BLNK: variants seen among roughly 807,000 people sequenced by gnomAD.
BLNK encodes B-cell linker protein.
BLNK carries 29 observed loss-of-function variants against 73.5 expected under a neutral mutation model. The ratio of observed to expected loss-of-function variants is 0.39; its 90% CI spans 0.29 to 0.54. The LOEUF is 0.54. BLNK is among the 20% of genes least tolerant of loss of function. The pLI is 0.61. For synonymous variants in BLNK, 176 were observed against 200.8 expected, an observed-to-expected ratio of 0.88 and a Z score of 1.04; for missense variants, 460 against 562.8, an observed-to-expected ratio of 0.82 and a Z score of 1.85.
intron 16 of BLNK, among the ~76,000 whole-genome samples, chr10:96,192,824 G>A (rs782483901): frequency 6.6e-6 from 1 of 152,128 alleles, no homozygotes; most frequent in Non-Finnish European, 1.5e-5. Flanking sequence ...AATTCATTGA[G>A]TATACAAAAG....
chr10:96,251,676 C>T (rs73318823), intron 1 of BLNK, among the ~76,000 whole-genome samples: 5,271 of 152,258 alleles, frequency 0.035, 305 homozygotes, highest in African/African-American at 0.12. Context: ...AGCAGTATGG[C>T]ATTTTGGTAT....
intron 2 of BLNK, among the ~76,000 whole-genome samples, chr10:96,246,589 A>C (rs77331536): frequency 0.1 from 15,276 of 152,192 alleles, 1,483 homozygotes; most frequent in East Asian, 0.55. Context: ...ACAAAACCCC[A>C]AAAAAAGGAA....
chr10:96,265,486 A>T (rs142362724), intron 1 of BLNK, among the ~76,000 whole-genome samples: 1 of 152,310 alleles, frequency 6.6e-6, no homozygotes, highest in African/African-American at 2.4e-5. Context: ...TACCCAGGAG[A>T]GAGCAACTTA....
chr10:96,196,422 T>A (rs891505640), intron 16 of BLNK, among the ~76,000 whole-genome samples: 16 of 152,214 alleles, frequency 1.1e-4, no homozygotes, highest in South Asian at 6.2e-4. Context: ...CATGTGATTT[T>A]TTTTTCTTGC....
At chr10:96,250,346 AAAG>A (rs1412103858) in intron 1 of BLNK, among the ~76,000 whole-genome samples, 1 of 151,962 alleles carries the variant, frequency 6.6e-6, no homozygotes, top group Non-Finnish European at 1.5e-5. Context: ...GAGATAGAGG[AAAG>A]AAGAAAATGA....
rs782229915 is a variant in BLNK, at chr10:96,271,454, T to G, written c.-56A>C. The G allele has an allele frequency of 3.8e-6, 6 of 1,568,850 alleles. No homozygotes were observed. The African/African-American group carries it at 8.1e-5, about 21-fold the overall frequency. Reference sequence around the variant, plus strand: ...ACTGTCCAGTGGTCACGTCAGCAGTTCCTGGCCCTCCTAGGGAGCAGCATG... The same window carrying G: ...ACTGTCCAGTGGTCACGTCAGCAGTGCCTGGCCCTCCTAGGGAGCAGCATG... On this transcript the variant is annotated 5_prime_UTR_variant, in exon 1 of 17. Transcript: ENST00000224337.
intron 8 of BLNK, 70 bp from the exon 9 acceptor site, chr10:96,209,977 CCT>C (rs1275785312): frequency 2.0e-6 from 3 of 1,527,448 alleles, no homozygotes; most frequent in African/African-American, 2.7e-5. Context: ...CTGAGGCTGG[CCT>C]CTCTGGCAGG....
At position 96,271,440 on chromosome 10, in the gene BLNK, G is replaced by C; in HGVS notation, c.-42C>G. ...AAGAGACACGAATAACTGTCCAGTG[G>C]TCACGTCAGCAGTTCCTGGCCCTCC... is the stretch of plus-strand genomic sequence containing the variant. On this transcript the variant is annotated 5_prime_UTR_variant, in exon 1 of 17. Coordinates refer to ENST00000224337, the MANE Select transcript of BLNK (RefSeq NM_013314.4). 1.2e-6 allele frequency: 2 copies of C among 1,605,162 alleles called. No individual in the cohort carries two copies. The highest frequency in any genetic ancestry group is 1.7e-6 in the Non-Finnish European group (2 of 1,171,916).
At chr10:96,236,336 G>A (rs1488935241) in intron 3 of BLNK, among the ~76,000 whole-genome samples, 2 of 152,144 alleles carry the variant, frequency 1.3e-5, no homozygotes, top group African/African-American at 4.8e-5. Context: ...GGGAGGGTGG[G>A]CCAGTTGTGG....
At chr10:96,216,807 T>C (rs190672478) in intron 6 of BLNK, 73 bp from the exon 7 acceptor site, 255 of 1,287,378 alleles carry the variant, frequency 2.0e-4, no homozygotes, top group Admixed American at 9.6e-4. Flanking sequence ...GGAGTGATTT[T>C]TTTAAAAAGC....
chr10:96,224,838 C>G (rs2084281914), intron 5 of BLNK, among the ~76,000 whole-genome samples: 1 of 152,164 alleles, frequency 6.6e-6, no homozygotes, highest in Admixed American at 6.5e-5. Context: ...GCTGGGATTA[C>G]AGGCACCCAC....
At chr10:96,253,999 C>T (rs1454607386) in intron 1 of BLNK, among the ~76,000 whole-genome samples, 12 of 147,422 alleles carry the variant, frequency 8.1e-5, no homozygotes, top group Admixed American at 2.0e-4. Flanking sequence ...CCAGCCTGGG[C>T]GACAGAGCAA....
At position 96,190,074 on chromosome 10, in the gene BLNK, T is replaced by G; in HGVS notation, c.*1899A>C. On this transcript the variant is annotated 3_prime_UTR_variant, in exon 17 of 17. Coordinates refer to ENST00000224337, the MANE Select transcript of BLNK (RefSeq NM_013314.4). ...GCAGTTCATCCTTTGCACCAGCCCC[T>G]AAACTGACCGTTCTTAAGGATAACT... 1.2e-6 allele frequency: 1 copy of G among 854,026 alleles called. No homozygotes were observed. The highest frequency in any genetic ancestry group is 2.0e-6 in the Non-Finnish European group (1 of 501,688). 52.9% of individuals were successfully genotyped at this position (854,026 alleles called of 1,614,324 possible).
Position 96,189,524 on chromosome 10 carries a change from C to T in BLNK, c.*2449G>A. On this transcript the variant is annotated 3_prime_UTR_variant, in exon 17 of 17. Coordinates refer to ENST00000224337, the MANE Select transcript of BLNK (RefSeq NM_013314.4). ...ATTTAATGTCTTCTACAGAACTAGG[C>T]CCTTTTGGTGTTTTACGAGTTTTTT... is the stretch of plus-strand genomic sequence containing the variant. 1 of 653,866 alleles carries T rather than the reference C, an allele frequency of 1.5e-6. No individual in the cohort carries two copies. The highest frequency in any genetic ancestry group is 2.8e-6 in the Non-Finnish European group (1 of 353,662). 40.5% of individuals were successfully genotyped at this position (653,866 alleles called of 1,614,324 possible). A position where few individuals can be genotyped will look rare whatever the true frequency, so the allele number is the denominator to read the frequency against.
In BLNK at chr10:96,223,949, C is replaced by G; in HGVS notation, c.402G>C (p.Lys134Asn). ...GCCAGCTGGGCTTACTGGGAAGTGTCTTGCTGAAGGGTGGGGAATGCCTCT... is the reference window on the plus strand; with the variant it reads ...GCCAGCTGGGCTTACTGGGAAGTGTGTTGCTGAAGGGTGGGGAATGCCTCT... ...SSQRHSPPFS[K>N]TLPSKPSWPS... The change falls in exon 6 of 17, where the codon AAG becomes AAC. Residue 134 changes from lysine (K) to asparagine (N), a missense_variant. By Grantham distance (94) the Lys-to-Asn change is moderately conservative (BLOSUM62 0). Transcript: ENST00000224337. 6.2e-7 allele frequency: 1 copy of G among 1,613,326 alleles called. No individual in the cohort carries two copies. Among genetic ancestry groups the G allele is most frequent in the East Asian group, 2.2e-5 (1 of 44,870 alleles).
chr10:96,199,099 T>A (rs1373223744), intron 15 of BLNK, among the ~76,000 whole-genome samples: 1 of 152,188 alleles, frequency 6.6e-6, no homozygotes, highest in Non-Finnish European at 1.5e-5. Context: ...AAAGAGACAA[T>A]GGTGGAAGTC....
intron 16 of BLNK, 33 bp from the exon 17 acceptor site, chr10:96,192,125 T>C: frequency 6.2e-7 from 1 of 1,612,300 alleles, no homozygotes; most frequent in Non-Finnish European, 8.5e-7. Flanking sequence ...AATTATACTT[T>C]GGCATTTGTG....
rs1591290020 is a variant in BLNK, at chr10:96,195,015, C to T, written c.1251+1893G>A. Among the ~76,000 whole-genome samples, 5 of 151,940 alleles carry T rather than the reference C, an allele frequency of 3.3e-5. No homozygotes were observed. The South Asian group carries it at 6.2e-4, about 19-fold the overall frequency. ...CGATCTCCTGACCTCGTGATCCGCCCGTCTCGGCCTCCCAAAGTGCTGGGA... is the reference window on the plus strand; with the variant it reads ...CGATCTCCTGACCTCGTGATCCGCCTGTCTCGGCCTCCCAAAGTGCTGGGA... On this transcript the variant is annotated intron_variant, in intron 16 of 16. Coordinates refer to ENST00000224337, the MANE Select transcript of BLNK (RefSeq NM_013314.4).
chr10:96,243,508 C>T (rs1554906788), intron 2 of BLNK, among the ~76,000 whole-genome samples: 2 of 152,304 alleles, frequency 1.3e-5, no homozygotes, highest in African/African-American at 2.4e-5. Context: ...GATCACGCCC[C>T]TGTACTCCAG....
Sources: allele counts gnomAD v4.1 joint callset (sites outside exome capture counted in the v4.1 genomes callset), GRCh38; gene constraint gnomAD v4.1.1; transcripts MANE v1.5; gene names NCBI Gene and HGNC (gene_info 2026-07-23, HGNC 2026-07-21).